CATSPER4: variants seen among roughly 807,000 people sequenced by gnomAD.
CATSPER4 encodes the protein cation channel sperm associated 4.
Under a neutral mutation model 54.4 loss-of-function variants are expected in CATSPER4, and 46 were observed. The ratio of observed to expected loss-of-function variants is 0.84; its 90% CI spans 0.67 to 1.08. The LOEUF is 1.08. Ranked by LOEUF, CATSPER4 falls within the 50% of genes least tolerant of loss-of-function variation. The pLI is 0.00. For synonymous variants in CATSPER4, 230 were observed against 231.9 expected, an observed-to-expected ratio of 0.99 and a Z score of 0.08; for missense variants, 574 against 612.8, an observed-to-expected ratio of 0.94 and a Z score of 0.67.
In CATSPER4 at chr1:26,190,734, C is replaced by G. The variant is rs964184366; in HGVS notation, c.107C>G (p.Ala36Gly). The G allele has an allele frequency of 6.2e-7, 1 of 1,613,350 alleles. No individual in the cohort carries two copies. The highest frequency in any genetic ancestry group is 8.5e-7 in the Non-Finnish European group (1 of 1,179,902). ...EDRMGFGGAVAALRGRPSPLQ... is the reference protein window; with the variant it reads ...EDRMGFGGAVGALRGRPSPLQ... Reference sequence around the variant, plus strand: ...CGTATGGGGTTTGGAGGGGCAGTAGCTGCACTGAGGGGCCGCCCCTCTCCC... The same window carrying G: ...CGTATGGGGTTTGGAGGGGCAGTAGGTGCACTGAGGGGCCGCCCCTCTCCC... Residue 36 changes from alanine (A) to glycine (G), a missense_variant, in exon 1 of 10, where the codon GCT becomes GGT. Physicochemically the swap from Ala to Gly is moderately conservative, Grantham distance 60 (BLOSUM62 0). Coordinates refer to ENST00000456354, the MANE Select transcript of CATSPER4 (RefSeq NM_198137.2).
chr1:26,192,074 A>ACTTCTC (rs1425364765), intron 2 of CATSPER4, among the ~76,000 whole-genome samples: 2 of 151,788 alleles, frequency 1.3e-5, no homozygotes, highest in Non-Finnish European at 2.9e-5. Context: ...CATGTGAGAG[A>ACTTCTC]CTTCTCTGTG....
chr1:26,199,556 G>A (rs1008488925), intron 6 of CATSPER4, among the ~76,000 whole-genome samples: 9 of 147,456 alleles, frequency 6.1e-5, no homozygotes, highest in Non-Finnish European at 5.9e-5. Context: ...CCGAGATCAC[G>A]CCACTTCACT....
chr1:26,197,854 C>A (rs1009461671), intron 4 of CATSPER4, 71 bp downstream of exon 4: 2 of 1,608,138 alleles, frequency 1.2e-6, no homozygotes, highest in Non-Finnish European at 1.7e-6. Flanking sequence ...GGGATAACGA[C>A]CAGCTGGAGA....
chr1:26,198,987 T>C (rs1473487807), intron 6 of CATSPER4, among the ~76,000 whole-genome samples: 1 of 152,192 alleles, frequency 6.6e-6, no homozygotes, highest in Non-Finnish European at 1.5e-5. Context: ...TCATTCTCCA[T>C]TATGGCATAG....
chr1:26,201,386 A>G lies in CATSPER4; in HGVS notation c.1232A>G (p.Asn411Ser). ...IVEEVRAIRF[N>S]QEQESEVLNR... ...GAGGAGGTGCGCGCAATCCGCTTCA[A>G]CCAGGAGCAGGAGTCAGAGGTGTTG... Residue 411 changes from asparagine (N) to serine (S), a missense_variant, in exon 9 of 10, where the codon AAC (asparagine) becomes AGC (serine). Asn to Ser is a conservative substitution (Grantham distance 46, BLOSUM62 1). Coordinates refer to ENST00000456354, the MANE Select transcript of CATSPER4 (RefSeq NM_198137.2). The G allele has an allele frequency of 6.2e-7, 1 of 1,614,152 alleles. No homozygotes were observed. The highest frequency in any genetic ancestry group is 1.1e-5 in the South Asian group (1 of 91,090).
chr1:26,193,960 T>C, intron 3 of CATSPER4, 72 bp downstream of exon 3: 1 of 1,012,036 alleles, frequency 9.9e-7, no homozygotes, highest in Non-Finnish European at 1.6e-6. Flanking sequence ...CCTGTACTCC[T>C]GGCCCTACAA....
At chr1:26,198,144 A>G (rs2088965110) in intron 5 of CATSPER4, 67 bp downstream of exon 5, 1 of 1,613,876 alleles carries the variant, frequency 6.2e-7, no homozygotes, top group Non-Finnish European at 8.5e-7. Context: ...CATTGCAAAT[A>G]GAGGGGTGTC....
rs574389738 is a variant in CATSPER4 at position 26,197,716 on chromosome 1, G to A, written c.490G>A (p.Val164Ile). Reference protein sequence around the residue: ...DGWNILNFIIVFILLLRFFIN... With the variant: ...DGWNILNFIIIFILLLRFFIN... ...CTGGAACATCCTCAACTTCATTATC[G>A]TCTTTATCTTGCTCTTGCGGTTCTT... The change falls in exon 4 of 10, where the codon GTC (valine) becomes ATC (isoleucine). Residue 164 changes from valine to isoleucine, a missense_variant. Coordinates refer to ENST00000456354, the MANE Select transcript of CATSPER4 (RefSeq NM_198137.2). 3.1e-4 allele frequency: 496 copies of A among 1,613,746 alleles called. 4 individuals are homozygous for A. In the South Asian group the frequency reaches 4.7e-3, roughly 15 times the overall value.
Position 26,202,530 on chromosome 1 carries a change from G to C in CATSPER4, c.1407G>C (p.Lys469Asn), listed in dbSNP as rs1180327802. 3 of 1,610,670 alleles carry C rather than the reference G, an allele frequency of 1.9e-6. No individual in the cohort carries two copies. The highest frequency in any genetic ancestry group is 1.3e-5 in the African/African-American group (1 of 74,968). The change falls in exon 10 of 10, where the codon AAG (lysine) becomes AAC (asparagine). Residue 469 changes from lysine (K) to asparagine (N), a missense_variant. Lys to Asn is a moderately conservative substitution (Grantham distance 94). Transcript: ENST00000456354. ...SSSQILLKKH[K>N]SSH ...CACAAATACTCCTTAAAAAACACAAGAGCAGCCACTGAGAGGCCAGGATGG... is the reference window on the plus strand; with the variant it reads ...CACAAATACTCCTTAAAAAACACAACAGCAGCCACTGAGAGGCCAGGATGG...
In CATSPER4 at chr1:26,197,673, G is replaced by A; in HGVS notation, c.460-13G>A. On this transcript the variant is annotated splice_polypyrimidine_tract_variant and intron_variant, in intron 3 of 9. Transcript: ENST00000456354. ...GGCCTGACAGACCCCACTGGGGCTG[G>A]CCCACTCCCCAGGACGGCTGGAACA... is the stretch of plus-strand genomic sequence containing the variant. 6.2e-7 allele frequency: 1 copy of A among 1,604,998 alleles called. No individual in the cohort carries two copies. The highest frequency in any genetic ancestry group is 8.5e-7 in the Non-Finnish European group (1 of 1,173,184).
chr1:26,198,543 C>G (rs1385532657), intron 6 of CATSPER4, 124 bp downstream of exon 6: 1 of 1,259,296 alleles, frequency 7.9e-7, no homozygotes, highest in East Asian at 2.4e-5. Flanking sequence ...GTGGGGGTTC[C>G]CAGGTCTTTA....
chr1:26,190,801 G>GC lies in CATSPER4; in HGVS notation c.175dup (p.Gln59ProfsTer65). On this transcript the variant is annotated frameshift_variant, in exon 1 of 10. Coordinates refer to ENST00000456354, the MANE Select transcript of CATSPER4 (RefSeq NM_198137.2). LOFTEE classifies it high-confidence loss of function. ...ACGAGTCCTACGGTCGGCCAGAGGAGCAAGTGCTCATCAACCGCCAGGAAA... is the reference window on the plus strand; with the variant it reads ...ACGAGTCCTACGGTCGGCCAGAGGAGCCAAGTGCTCATCAACCGCCAGGAAA... 1 of 1,612,884 alleles carries GC rather than the reference G, an allele frequency of 6.2e-7. No individual in the cohort carries two copies.
Position 26,201,005 on chromosome 1 carries a change from T to C in CATSPER4, c.1163T>C (p.Leu388Pro), listed in dbSNP as rs1293924469. The part of the protein sequence containing the change: ...CLVLEAIQEN[L>P]RQYKEIRDEL... The stretch of plus-strand genomic sequence containing the variant: ...GTGCTTGAGGCAATACAGGAGAACC[T>C]GAGGCAGTACAAGGAGATCCGAGAT... Residue 388 changes from leucine (L) to proline (P), a missense_variant, in exon 8 of 10, where the codon CTG (leucine) becomes CCG (proline). Physicochemically the swap from Leu to Pro is moderately conservative, Grantham distance 98 (BLOSUM62 -3). Coordinates refer to ENST00000456354, the MANE Select transcript of CATSPER4 (RefSeq NM_198137.2). 5 of 1,614,116 alleles carry C rather than the reference T, an allele frequency of 3.1e-6. No homozygotes were observed. The highest frequency in any genetic ancestry group is 4.2e-6 in the Non-Finnish European group (5 of 1,180,014).
Position 26,200,076 on chromosome 1 carries a change from G to A in CATSPER4, c.987+18G>A. 3 of 1,609,964 alleles carry A rather than the reference G, an allele frequency of 1.9e-6. No homozygotes were observed. The highest frequency in any genetic ancestry group is 1.7e-6 in the Non-Finnish European group (2 of 1,177,818). On this transcript the variant is annotated intron_variant, in intron 7 of 9. Coordinates refer to ENST00000456354, the MANE Select transcript of CATSPER4 (RefSeq NM_198137.2). ...TTAGTGAGGTGCGTGGGATGGGGAG[G>A]GCAGAAGGGAGGAAAAGGAGTGTGT...
At position 26,198,076 on chromosome 1, in the gene CATSPER4, T is replaced by C; in HGVS notation, c.677T>C (p.Leu226Pro). Residue 226 changes from leucine to proline, a missense_variant and splice_region_variant, in exon 5 of 10, where the codon CTG becomes CCG. By Grantham distance (98) the Leu-to-Pro change is moderately conservative. Coordinates refer to ENST00000456354, the MANE Select transcript of CATSPER4 (RefSeq NM_198137.2). ...NIMVLILFFM[L>P]VFSVFGVTLF... The stretch of plus-strand genomic sequence containing the variant: ...ATGGTCCTCATCCTCTTCTTCATGC[T>C]GGTCAGTGCCTGCCCCCGCCCCCAG... 3 of 1,614,222 alleles carry C rather than the reference T, an allele frequency of 1.9e-6. No individual in the cohort carries two copies. Among genetic ancestry groups the C allele is most frequent in the Non-Finnish European group, 2.5e-6 (3 of 1,180,034 alleles).
chr1:26,191,506 TC>T, intron 2 of CATSPER4, 76 bp downstream of exon 2: 1 of 1,510,326 alleles, frequency 6.6e-7, no homozygotes, highest in South Asian at 1.2e-5. Flanking sequence ...GGCCTCAGGC[TC>T]CTCATCTGTC....
chr1:26,195,983 A>T (rs1252005671), intron 3 of CATSPER4, among the ~76,000 whole-genome samples: 1 of 152,204 alleles, frequency 6.6e-6, no homozygotes, highest in African/African-American at 2.4e-5. Context: ...CACAGTATTT[A>T]TTTTTACAAT....
chr1:26,195,227 T>C (rs2088923235), intron 3 of CATSPER4, among the ~76,000 whole-genome samples: 2 of 152,252 alleles, frequency 1.3e-5, no homozygotes, highest in South Asian at 4.1e-4. Context: ...AATGTTTTTA[T>C]ATTTATAGTC....
intron 3 of CATSPER4, among the ~76,000 whole-genome samples, chr1:26,196,276 C>T (rs370144769): frequency 6.6e-6 from 1 of 151,380 alleles, no homozygotes; most frequent in East Asian, 1.9e-4. Flanking sequence ...GGTCACCATA[C>T]CTGGCCTCAT....
Sources: allele counts gnomAD v4.1 joint callset (sites outside exome capture counted in the v4.1 genomes callset), GRCh38; gene constraint gnomAD v4.1.1; transcripts MANE v1.5; gene names NCBI Gene and HGNC (gene_info 2026-07-23, HGNC 2026-07-21).